The following TMCO1 variants were observed in gnomAD, a reference collection of about 807,000 sequenced individuals.
TMCO1 encodes transmembrane and coiled-coil domains 1, also known as calcium load-activated calcium channel.
Under a neutral mutation model 29.3 loss-of-function variants are expected in TMCO1, and 29 were observed. The ratio of observed to expected loss-of-function variants is 0.99; its 90% CI spans 0.74 to 1.35. The LOEUF (loss-of-function observed/expected upper bound fraction) is 1.35. Ranked by LOEUF, TMCO1 falls within the 40% of genes most tolerant of loss-of-function variation. The pLI, the probability that TMCO1 is intolerant of heterozygous loss-of-function variation, is 0.00. For missense variants in TMCO1, 173 were observed against 225.5 expected (o/e 0.77, Z 1.49); for synonymous variants, 80 against 77.1 (o/e 1.04, Z -0.20).
At chr1:165,725,681 G>T (rs6426937), downstream of TMCO1, 1 of 453,720 alleles carries the variant, frequency 2.2e-6, no homozygotes, top group Admixed American at 2.4e-5. Flanking sequence ...TGGACCTAGA[G>T]TGTCATCCAA....
rs751745016 is a variant in TMCO1 at position 165,727,201 on chromosome 1, A to G, written c.*822T>C. ...ATAACTATAACCTTGTCTCCAAGGGAGATCTAAGAGTGCCCCCACAAGAAT... is the reference window on the plus strand; with the variant it reads ...ATAACTATAACCTTGTCTCCAAGGGGGATCTAAGAGTGCCCCCACAAGAAT... On this transcript the variant is annotated 3_prime_UTR_variant, in exon 7 of 7. Coordinates refer to ENST00000367881, the MANE Select transcript of TMCO1 (RefSeq NM_019026.6). 2.2e-6 allele frequency: 1 copy of G among 454,046 alleles called. No homozygotes were observed. The highest frequency in any genetic ancestry group is 1.6e-5 in the South Asian group (1 of 64,458). The allele number at this position is 454,046 out of a possible 1,614,324, so 28.1% of individuals were successfully genotyped here.
chr1:165,752,252 ATTTTTTT>A, intron 4 of TMCO1, 83 bp from the exon 5 acceptor site: 8 of 427,928 alleles, frequency 1.9e-5, no homozygotes, highest in Non-Finnish European at 2.0e-5. Context: ...GTTTCATGTC[ATTTTTTT>A]TTTTTTTTTT....
chr1:165,743,943 C>T (rs949938553), intron 5 of TMCO1, among the ~76,000 whole-genome samples: 7 of 151,778 alleles, frequency 4.6e-5, no homozygotes, highest in African/African-American at 9.7e-5. Flanking sequence ...TCACTGCAAC[C>T]TCCACCTCCT....
chr1:165,751,713 A>C (rs1472097160), intron 5 of TMCO1, among the ~76,000 whole-genome samples: 1 of 152,006 alleles, frequency 6.6e-6, no homozygotes, highest in Non-Finnish European at 1.5e-5. Context: ...TCAAAAAAAA[A>C]AAAGACCCAA....
At chr1:165,737,951 A>G (rs1651453287) in intron 6 of TMCO1, among the ~76,000 whole-genome samples, 1 of 152,188 alleles carries the variant, frequency 6.6e-6, no homozygotes, top group Non-Finnish European at 1.5e-5. Context: ...CAACAGCTCT[A>G]GATTCAGTAG....
At chr1:165,763,100 A>T (rs73014649) in intron 2 of TMCO1, among the ~76,000 whole-genome samples, 8,606 of 152,208 alleles carry the variant, frequency 0.057, 826 homozygotes, top group African/African-American at 0.19. Context: ...GGACCAGATC[A>T]GCACAAGCAA....
downstream of TMCO1, chr1:165,726,514 A>G (rs1312193927): frequency 2.0e-6 from 1 of 494,026 alleles, no homozygotes; most frequent in Non-Finnish European, 3.9e-6. Context: ...TCAAATCCTG[A>G]CTGCCACTCA....
intron 6 of TMCO1, among the ~76,000 whole-genome samples, chr1:165,733,857 G>A (rs1651270183): frequency 6.6e-6 from 1 of 152,204 alleles, no homozygotes; most frequent in Non-Finnish European, 1.5e-5. Flanking sequence ...AGGAAAACCT[G>A]AAAAATACAA....
chr1:165,729,495 T>C (rs1431693880), intron 6 of TMCO1, among the ~76,000 whole-genome samples: 1 of 151,958 alleles, frequency 6.6e-6, no homozygotes, highest in Non-Finnish European at 1.5e-5. Context: ...TTTTGTATTT[T>C]TTTTAGTAGA....
intron 5 of TMCO1, among the ~76,000 whole-genome samples, chr1:165,750,541 C>CAAAAAAA (rs776845482): frequency 3.4e-5 from 3 of 87,632 alleles, no homozygotes; most frequent in African/African-American, 1.4e-4. Context: ...AACTCCGTCT[C>CAAAAAAA]AAAAAAAAAA....
intron 2 of TMCO1, among the ~76,000 whole-genome samples, chr1:165,760,151 C>T (rs1225158150): frequency 4.6e-5 from 7 of 152,136 alleles, no homozygotes; most frequent in African/African-American, 1.4e-4. Flanking sequence ...ACCAGACAGA[C>T]GCAGTGGCTC....
Position 165,732,505 on chromosome 1 carries a change from CTA to C in TMCO1, c.469-4386_469-4385del, listed in dbSNP as rs66588679. 7.3e-3 allele frequency among the ~76,000 whole-genome samples: 983 copies of C among 133,746 alleles called. 10 individuals carry two copies. The highest frequency in any genetic ancestry group is 0.025 in the African/African-American group (862 of 35,042). The allele number at this position is 133,746 out of a possible 152,430, so 87.7% of individuals were successfully genotyped here. A position where few individuals can be genotyped will look rare whatever the true frequency, so the allele number is the denominator to read the frequency against. ...TCTCTCTCTCTCTCTCTCTCTCTCTCTATATATATATATATAAACATACACAT... is the reference window on the plus strand; with the variant it reads ...TCTCTCTCTCTCTCTCTCTCTCTCTCTATATATATATATAAACATACACAT... On this transcript the variant is annotated intron_variant, in intron 6 of 6. Coordinates refer to ENST00000367881, the MANE Select transcript of TMCO1 (RefSeq NM_019026.6).
At chr1:165,750,005 T>C (rs2101804634) in intron 5 of TMCO1, among the ~76,000 whole-genome samples, 1 of 152,176 alleles carries the variant, frequency 6.6e-6, no homozygotes, top group South Asian at 2.1e-4. Flanking sequence ...AACTATTCAA[T>C]TGGCAAATTT....
intron 3 of TMCO1, among the ~76,000 whole-genome samples, chr1:165,756,155 C>G (rs1217788970): frequency 6.6e-6 from 1 of 151,920 alleles, no homozygotes; most frequent in Non-Finnish European, 1.5e-5. Context: ...TCACAAGTAT[C>G]TCAAGCAATA....
chr1:165,726,764 A>T (rs1251619668), downstream of TMCO1: 5 of 453,740 alleles, frequency 1.1e-5, no homozygotes, highest in Non-Finnish European at 2.2e-5. Context: ...TTGTCCTTGG[A>T]ATATAACCTT....
At chr1:165,754,923 G>A (rs1652138046) in intron 3 of TMCO1, 1 of 152,600 alleles carries the variant, frequency 6.6e-6, no homozygotes, top group Admixed American at 6.5e-5. Context: ...GAGCCCAGGA[G>A]TTTGAGGCTG....
chr1:165,726,147 G>A (rs61473419), downstream of TMCO1: 3,688 of 694,140 alleles, frequency 5.3e-3, 99 homozygotes, highest in African/African-American at 0.059. Flanking sequence ...TGTTATCATG[G>A]GCATCATTTT....
chr1:165,761,779 T>C (rs1652414777), intron 2 of TMCO1, among the ~76,000 whole-genome samples: 1 of 151,206 alleles, frequency 6.6e-6, no homozygotes, highest in Non-Finnish European at 1.5e-5. Flanking sequence ...TGAAACCTCG[T>C]CTCTACCAAA....
At chr1:165,733,747 C>T (rs530870713) in intron 6 of TMCO1, among the ~76,000 whole-genome samples, 1 of 152,224 alleles carries the variant, frequency 6.6e-6, no homozygotes, top group East Asian at 1.9e-4. Flanking sequence ...ATTTTGAATT[C>T]CTGTCCAGTC....
Sources: allele counts gnomAD v4.1 joint callset (sites outside exome capture counted in the v4.1 genomes callset), GRCh38; gene constraint gnomAD v4.1.1; transcripts MANE v1.5; gene names NCBI Gene and HGNC (gene_info 2026-07-23, HGNC 2026-07-21).